The following ZNF423 variants were observed in gnomAD, a reference collection of about 807,000 sequenced individuals.
ZNF423 encodes the protein zinc finger protein 423, also known as Ebf-associated zinc finger protein.
In ZNF423, 12 loss-of-function variants were observed where a neutral mutation model predicts 95.8. The observed-to-expected ratio is 0.13, with a 90% confidence interval of 0.08 to 0.20. The LOEUF (loss-of-function observed/expected upper bound fraction) is 0.20. Ranked by LOEUF, ZNF423 falls within the 10% of genes least tolerant of loss-of-function variation. The pLI is 1.00. For missense variants in ZNF423, 1,316 were observed against 1,737.1 expected (o/e 0.76, Z 4.31); for synonymous variants, 749 against 711.9 (o/e 1.05, Z -0.83).
intron 3 of ZNF423, among the ~76,000 whole-genome samples, chr16:49,687,929 C>T (rs1302735039): frequency 6.6e-6 from 1 of 152,076 alleles, no homozygotes; most frequent in Middle Eastern, 3.2e-3. Flanking sequence ...AAGGGAGGGA[C>T]ACGGCTGCAT....
chr16:49,645,369 A>G (rs968927767), intron 3 of ZNF423, among the ~76,000 whole-genome samples: 1 of 152,218 alleles, frequency 6.6e-6, no homozygotes, highest in African/African-American at 2.4e-5. Flanking sequence ...GCTAATTGGT[A>G]GTGGTTGCCT....
chr16:49,619,009 G>A (rs1338939480), intron 5 of ZNF423, among the ~76,000 whole-genome samples: 1 of 152,138 alleles, frequency 6.6e-6, no homozygotes, highest in Non-Finnish European at 1.5e-5. Context: ...GTACTGAATT[G>A]TGTACAGTGT....
At chr16:49,619,822 A>G (rs928086007) in intron 5 of ZNF423, among the ~76,000 whole-genome samples, 6 of 151,968 alleles carry the variant, frequency 3.9e-5, no homozygotes, top group Non-Finnish European at 7.4e-5. Flanking sequence ...GGAGACAGGA[A>G]CCCCTTTTTC....
At chr16:49,693,361 A>G (rs927363599) in intron 3 of ZNF423, among the ~76,000 whole-genome samples, 5 of 152,216 alleles carry the variant, frequency 3.3e-5, no homozygotes, top group African/African-American at 4.8e-5. Context: ...TTACCTGCCC[A>G]ATGTCACACA....
intron 3 of ZNF423, among the ~76,000 whole-genome samples, chr16:49,639,262 C>T (rs1972884722): frequency 6.6e-6 from 1 of 152,238 alleles, no homozygotes; most frequent in Admixed American, 6.5e-5. Context: ...GAAGACAAGT[C>T]CTGTCACTTG....
At chr16:49,719,674 G>T (rs2032808584) in intron 3 of ZNF423, among the ~76,000 whole-genome samples, 1 of 152,146 alleles carries the variant, frequency 6.6e-6, no homozygotes, top group African/African-American at 2.4e-5. Context: ...TATCTCTCCT[G>T]ATTCACCATG....
At chr16:49,850,873 A>G (rs571702713) in intron 1 of ZNF423, among the ~76,000 whole-genome samples, 3 of 152,248 alleles carry the variant, frequency 2.0e-5, no homozygotes, top group Non-Finnish European at 2.9e-5. Context: ...CAGCCTTCCA[A>G]CCTTCCAAGA....
At chr16:49,693,543 A>G (rs1427017865) in intron 3 of ZNF423, among the ~76,000 whole-genome samples, 1 of 152,134 alleles carries the variant, frequency 6.6e-6, no homozygotes, top group Non-Finnish European at 1.5e-5. Flanking sequence ...GTCTTCCTTG[A>G]GCAAACACTC....
chr16:49,509,068 A>G (rs1158296536), intron 7 of ZNF423, among the ~76,000 whole-genome samples: 3 of 152,318 alleles, frequency 2.0e-5, no homozygotes, highest in African/African-American at 7.2e-5. Context: ...TCTGCTCTTT[A>G]TATATTATCT....
intron 2 of ZNF423, among the ~76,000 whole-genome samples, chr16:49,749,569 T>C (rs1297967527): frequency 6.6e-6 from 1 of 152,222 alleles, no homozygotes; most frequent in African/African-American, 2.4e-5. Flanking sequence ...ATCCCGCACA[T>C]CCTCTCCTGC....
chr16:49,691,451 G>A (rs2031777350), intron 3 of ZNF423, among the ~76,000 whole-genome samples: 2 of 152,156 alleles, frequency 1.3e-5, no homozygotes, highest in Non-Finnish European at 1.5e-5. Context: ...GAGGATCCTC[G>A]GCCGGGCGCA....
intron 3 of ZNF423, among the ~76,000 whole-genome samples, chr16:49,700,195 C>CA (rs3084468): frequency 0.011 from 1,032 of 96,536 alleles, 30 homozygotes; most frequent in African/African-American, 0.039. Context: ...CCCAGGATTT[C>CA]AAAAAAAAAA....
chr16:49,616,739 C>T (rs1183217532), intron 5 of ZNF423, among the ~76,000 whole-genome samples: 2 of 152,264 alleles, frequency 1.3e-5, no homozygotes, highest in African/African-American at 4.8e-5. Flanking sequence ...GGAGTCTTGA[C>T]AAGGCAGAGA....
chr16:49,533,113 C>T (rs1015422073), intron 5 of ZNF423, among the ~76,000 whole-genome samples: 4 of 152,218 alleles, frequency 2.6e-5, no homozygotes, highest in Non-Finnish European at 5.9e-5. Context: ...ACGGCCTCTG[C>T]GATCTGCCCT....
chr16:49,620,132 TACACACACACAC>T lies in ZNF423; in HGVS notation c.3601+6026_3601+6037del, dbSNP rs56739115. ...TCTCCCTCTTTCCCTCTCTCTCTTC[TACACACACACAC>T]ACACACACACACACACACCACACAC... On this transcript the variant is annotated intron_variant, in intron 5 of 7. Coordinates refer to ENST00000563137, the MANE Select transcript of ZNF423 (RefSeq NM_001379286.1). 4.2e-5 allele frequency among the ~76,000 whole-genome samples: 6 copies of T among 143,774 alleles called. No homozygotes were observed. The East Asian group carries it at 6.1e-4, about 15-fold the overall frequency. The allele number at this position is 143,774 out of a possible 152,430, so 94.3% of individuals were successfully genotyped here.
intron 3 of ZNF423, among the ~76,000 whole-genome samples, chr16:49,665,430 G>T (rs1236010769): frequency 6.6e-6 from 1 of 152,128 alleles, no homozygotes; most frequent in Non-Finnish European, 1.5e-5. Flanking sequence ...GTGGGGCCTG[G>T]GGGGAGAACA....
chr16:49,591,082 G>C (rs554639735), intron 5 of ZNF423, among the ~76,000 whole-genome samples: 2 of 152,342 alleles, frequency 1.3e-5, no homozygotes, highest in East Asian at 3.9e-4. Context: ...GGGGGGAAAT[G>C]ATTACAAAAT....
intron 2 of ZNF423, 110 bp downstream of exon 2, chr16:49,789,377 G>A (rs1351496936): frequency 2.0e-5 from 21 of 1,049,978 alleles, no homozygotes; most frequent in Non-Finnish European, 2.1e-5. Flanking sequence ...TTGGAGGCAG[G>A]AATGTGACAC....
intron 5 of ZNF423, among the ~76,000 whole-genome samples, chr16:49,554,320 A>G (rs1201692382): frequency 2.6e-5 from 4 of 152,036 alleles, no homozygotes; most frequent in African/African-American, 9.7e-5. Flanking sequence ...TGAGCATTCT[A>G]CCTCTACCCA....
Sources: allele counts gnomAD v4.1 joint callset (sites outside exome capture counted in the v4.1 genomes callset), GRCh38; gene constraint gnomAD v4.1.1; transcripts MANE v1.5; gene names NCBI Gene and HGNC (gene_info 2026-07-23, HGNC 2026-07-21).